ENDOV: variants seen among roughly 807,000 people sequenced by gnomAD.
ENDOV encodes the protein hEndoV.
Under a neutral mutation model 39.4 loss-of-function variants are expected in ENDOV, and 37 were observed. The observed-to-expected ratio is 0.94, with a 90% confidence interval of 0.72 to 1.23. The LOEUF (loss-of-function observed/expected upper bound fraction) is 1.23, where lower values mean the gene tolerates loss of function less well. Among genes scored for constraint, ENDOV ranks in the 50% most tolerant of loss-of-function variants. ENDOV has a pLI of 0.00. For synonymous variants in ENDOV, 186 were observed against 163.4 expected (o/e 1.14, Z -1.05); for missense variants, 441 against 375.7 (o/e 1.17, Z -1.44).
intron 7 of ENDOV, 113 bp downstream of exon 7, chr17:80,425,733 G>A (rs914716624): frequency 2.0e-5 from 29 of 1,465,986 alleles, no homozygotes; most frequent in Admixed American, 4.5e-5. Context: ...ACATGAGGAC[G>A]GGGGTTCCTG....
intron 9 of ENDOV, chr17:80,430,172 T>C: frequency 1.3e-6 from 2 of 1,494,020 alleles, no homozygotes; most frequent in Admixed American, 2.2e-5. Context: ...TCAGCTGTGG[T>C]CACGGTGCCT....
chr17:80,419,812 C>G, intron 2 of ENDOV: 2 of 643,590 alleles, frequency 3.1e-6, no homozygotes, highest in Non-Finnish European at 5.7e-6. Flanking sequence ...TGTGGTCTAC[C>G]CAAGTCCCTA....
chr17:80,419,521 A>C (rs996329934), intron 2 of ENDOV: 1 of 693,022 alleles, frequency 1.4e-6, no homozygotes, highest in Non-Finnish European at 2.7e-6. Context: ...GACGCTGAGC[A>C]ATGGCTAGTG....
intron 7 of ENDOV, 39 bp from the exon 8 acceptor site, chr17:80,428,557 G>A (rs1568245691): frequency 6.4e-7 from 1 of 1,555,260 alleles, no homozygotes; most frequent in East Asian, 2.4e-5. Context: ...CTGGTCTAGA[G>A]ACCAGCTCAG....
chr17:80,419,353 C>G, intron 2 of ENDOV: 1 of 515,806 alleles, frequency 1.9e-6, no homozygotes, highest in African/African-American at 1.9e-5. Context: ...CCTTAGCATC[C>G]CTGACAAACG....
chr17:80,427,778 C>T (rs1263221468), intron 7 of ENDOV: 3 of 1,289,188 alleles, frequency 2.3e-6, no homozygotes, highest in Non-Finnish European at 3.0e-6. Context: ...CCCATGGTCA[C>T]AGGCGCTGCG....
intron 5 of ENDOV, 144 bp downstream of exon 5, chr17:80,423,776 A>G: frequency 1.3e-6 from 1 of 765,804 alleles, no homozygotes; most frequent in Non-Finnish European, 2.1e-6. Flanking sequence ...AGTAAGAAAG[A>G]CCTGCTTTCC....
chr17:80,423,776 A>C, intron 5 of ENDOV, 144 bp downstream of exon 5: 1 of 765,800 alleles, frequency 1.3e-6, no homozygotes, highest in Non-Finnish European at 2.1e-6. Flanking sequence ...AGTAAGAAAG[A>C]CCTGCTTTCC....
At chr17:80,427,030 G>A (rs571690946) in intron 7 of ENDOV, among the ~76,000 whole-genome samples, 7 of 152,354 alleles carry the variant, frequency 4.6e-5, no homozygotes, top group African/African-American at 1.4e-4. Context: ...GGGGCCTTCC[G>A]GCTGCTGGCG....
intron 7 of ENDOV, chr17:80,427,399 T>C: frequency 1.0e-6 from 1 of 984,884 alleles, no homozygotes; most frequent in African/African-American, 1.7e-5. Context: ...CAGTGGCCCA[T>C]CCTTGCAAGG....
chr17:80,419,469 T>A (rs1599323940), intron 2 of ENDOV: 1 of 653,184 alleles, frequency 1.5e-6, no homozygotes, highest in Non-Finnish European at 2.8e-6. Context: ...CGATGGCTGG[T>A]GTGTGCTGCT....
At chr17:80,419,089 C>T (rs762648700) in intron 2 of ENDOV, among the ~76,000 whole-genome samples, 6 of 148,582 alleles carry the variant, frequency 4.0e-5, no homozygotes, top group East Asian at 2.0e-4. Flanking sequence ...AGGAGAATGG[C>T]GTGAACCTGG....
chr17:80,435,556 G>T, intron 9 of ENDOV, among the ~76,000 whole-genome samples: 1 of 152,142 alleles, frequency 6.6e-6, no homozygotes, highest in Admixed American at 6.5e-5. Flanking sequence ...TTGGGCTCAA[G>T]CAATCCTCCT....
At chr17:80,430,322 G>C (rs2083253604) in intron 9 of ENDOV, 1 of 1,520,936 alleles carries the variant, frequency 6.6e-7, no homozygotes, top group South Asian at 1.2e-5. Flanking sequence ...TTCAATAGAT[G>C]GAACTTGCTT....
chr17:80,435,701 G>A lies in ENDOV; in HGVS notation c.839-432G>A, dbSNP rs188274260. On this transcript the variant is annotated intron_variant, in intron 9 of 9. Transcript: ENST00000518137. ...GTGATCTCGGCTCACTGCAAGCTCC[G>A]CCTCCCGGGTTCACGCCATTCTCCT... 4.9e-4 allele frequency among the ~76,000 whole-genome samples: 75 copies of A among 151,858 alleles called. 1 individual carries two copies. Among genetic ancestry groups the A allele is most frequent in the Middle Eastern group, 6.8e-3 (2 of 294 alleles).
intron 9 of ENDOV, 98 bp from the exon 10 acceptor site, chr17:80,436,035 G>T (rs41303548): frequency 4.4e-6 from 6 of 1,366,600 alleles, no homozygotes; most frequent in Non-Finnish European, 6.1e-6. Context: ...GATTACAGGC[G>T]CGAGCCACTG....
intron 5 of ENDOV, among the ~76,000 whole-genome samples, chr17:80,424,527 T>C (rs1368860465): frequency 2.0e-5 from 3 of 152,186 alleles, no homozygotes; most frequent in Non-Finnish European, 4.4e-5. Context: ...GGCAGCACCC[T>C]CAGCTCAGGG....
intron 9 of ENDOV, among the ~76,000 whole-genome samples, chr17:80,434,810 G>A (rs1409929022): frequency 6.6e-6 from 1 of 152,134 alleles, no homozygotes; most frequent in East Asian, 1.9e-4. Context: ...ACCAGGCATG[G>A]TGATGCACTC....
At chr17:80,424,321 G>A (rs757267317) in intron 5 of ENDOV, 29 of 399,304 alleles carry the variant, frequency 7.3e-5, no homozygotes, top group Non-Finnish European at 1.2e-4. Context: ...CCAGTCCACC[G>A]CCGCCAGAAA....
Sources: gnomAD v4.1 joint callset for allele counts (sites outside exome capture counted in the v4.1 genomes callset) on GRCh38, gnomAD v4.1.1 for gene constraint, MANE v1.5 for transcripts, NCBI Gene and HGNC (gene_info 2026-07-23, HGNC 2026-07-21) for gene names.